Variants in ILRUN observed in about 807,000 individuals in gnomAD.
ILRUN encodes the protein inflammation and lipid regulator with UBA-like and NBR1-like domains.
In ILRUN, 3 loss-of-function variants were observed where a neutral mutation model predicts 33.8. The ratio of observed to expected loss-of-function variants is 0.09; its 90% CI spans 0.04 to 0.23. The LOEUF (loss-of-function observed/expected upper bound fraction) is 0.23. ILRUN is among the 10% of genes least tolerant of loss of function. The probability of loss-of-function intolerance (pLI) is 1.00; values close to 1 mark genes in which losing one functional copy is unlikely to be tolerated. For synonymous variants in ILRUN, 124 were observed against 138.9 expected (o/e 0.89, Z 0.75); for missense variants, 210 against 375.1 (o/e 0.56, Z 3.64).
At chr6:34,608,249 C>G (rs891992885) in intron 3 of ILRUN, among the ~76,000 whole-genome samples, 1 of 151,980 alleles carries the variant, frequency 6.6e-6, no homozygotes, top group Non-Finnish European at 1.5e-5. Flanking sequence ...AAAAAACTAG[C>G]TGGGCATAGT....
rs115954570 is a variant in ILRUN at position 34,654,579 on chromosome 6, A to G, written c.313+46T>C. On this transcript the variant is annotated intron_variant, in intron 2 of 4. Transcript: ENST00000374023. ...ACATTTCCTTCTTATTTAACTATTA[A>G]GAAAATGAAAACTAGGCAAGGGAGG... is the stretch of plus-strand genomic sequence containing the variant. 6.6e-4 allele frequency: 1,021 copies of G among 1,553,324 alleles called. 1 individual carries two copies. The African/African-American group carries it at 8.7e-3, about 13-fold the overall frequency.
rs201638665 is a variant in ILRUN at position 34,592,861 on chromosome 6, GA to G, written c.862-2262del. 2.0e-5 allele frequency among the ~76,000 whole-genome samples: 3 copies of G among 150,636 alleles called. No individual in the cohort carries two copies. Among genetic ancestry groups the G allele is most frequent in the Admixed American group, 6.6e-5 (1 of 15,110 alleles). ...ACAATGCTCAAAGGTCTCTGTGCAGGAAAAAAAAATGCACAGCAAAAAGAAA... is the reference window on the plus strand; with the variant it reads ...ACAATGCTCAAAGGTCTCTGTGCAGGAAAAAAAATGCACAGCAAAAAGAAA... On this transcript the variant is annotated intron_variant, in intron 4 of 4. Coordinates refer to ENST00000374023, the MANE Select transcript of ILRUN (RefSeq NM_024294.4). This position sits in a 1 kb window ranked among gnomAD's most constrained non-coding sequence, Gnocchi z 4.0.
chr6:34,614,437 A>ATATATATATATATATATATATAT (rs1321613482), intron 3 of ILRUN, among the ~76,000 whole-genome samples: 9 of 124,606 alleles, frequency 7.2e-5, no homozygotes, highest in African/African-American at 3.3e-4. Flanking sequence ...ATAATAAAAA[A>ATATATATATATATATATATATAT]AAAAAAATAT....
chr6:34,596,009 C>G (rs1345436646), intron 4 of ILRUN: 2 of 862,124 alleles, frequency 2.3e-6, no homozygotes, highest in African/African-American at 3.7e-5. Context: ...ATTTATACTG[C>G]AAACATTGTG....
intron 2 of ILRUN, 22 bp downstream of exon 2, chr6:34,654,603 G>T (rs755947941): frequency 2.5e-6 from 4 of 1,585,114 alleles, no homozygotes; most frequent in Non-Finnish European, 3.4e-6. Context: ...AGGCAAGGGA[G>T]GATTGCCCAT....
chr6:34,626,103 G>C (rs1161099526), intron 3 of ILRUN, among the ~76,000 whole-genome samples: 2 of 152,158 alleles, frequency 1.3e-5, no homozygotes, highest in South Asian at 2.1e-4. Context: ...GCCTGGGTCG[G>C]CCTCCCGAAA....
chr6:34,600,027 C>T (rs549011993), intron 4 of ILRUN, among the ~76,000 whole-genome samples: 12 of 152,224 alleles, frequency 7.9e-5, no homozygotes, highest in Non-Finnish European at 7.3e-5. Context: ...TGATCTGAAC[C>T]ACTCTTACTC....
chr6:34,616,374 C>T (rs1761892691), intron 3 of ILRUN, among the ~76,000 whole-genome samples: 1 of 152,184 alleles, frequency 6.6e-6, no homozygotes, highest in South Asian at 2.1e-4. Context: ...GGTCTGGCTG[C>T]AGTCAGCTGC....
At chr6:34,673,030 T>C (rs1387963235) in intron 1 of ILRUN, among the ~76,000 whole-genome samples, 1 of 152,138 alleles carries the variant, frequency 6.6e-6, no homozygotes, top group East Asian at 1.9e-4. Context: ...TATTTCAACA[T>C]TACCGCTGAA....
chr6:34,609,541 T>C (rs941411864), intron 3 of ILRUN, among the ~76,000 whole-genome samples: 1 of 151,812 alleles, frequency 6.6e-6, no homozygotes, highest in Non-Finnish European at 1.5e-5. Context: ...CATAAAAACT[T>C]AGAGGTTTGG....
chr6:34,690,934 G>T (rs1031059323), intron 1 of ILRUN, among the ~76,000 whole-genome samples: 12 of 152,196 alleles, frequency 7.9e-5, no homozygotes, highest in African/African-American at 2.9e-4. Context: ...AACTAGGCTG[G>T]AGTGCAGTGG....
At chr6:34,641,170 A>T (rs1044096511) in intron 3 of ILRUN, among the ~76,000 whole-genome samples, 1 of 152,168 alleles carries the variant, frequency 6.6e-6, no homozygotes, top group Non-Finnish European at 1.5e-5. Context: ...TAAAACAGAA[A>T]GATGAGGTCC....
chr6:34,622,945 C>CTA (rs1490227460), intron 3 of ILRUN, among the ~76,000 whole-genome samples: 1 of 152,114 alleles, frequency 6.6e-6, no homozygotes, highest in African/African-American at 2.4e-5. Flanking sequence ...CTGATACATG[C>CTA]TATAATATGG....
At chr6:34,640,164 G>A (rs905821389) in intron 3 of ILRUN, among the ~76,000 whole-genome samples, 1 of 152,138 alleles carries the variant, frequency 6.6e-6, no homozygotes, top group African/African-American at 2.4e-5. Flanking sequence ...GACAGTGTTT[G>A]TTATCAAGAT....
intron 3 of ILRUN, among the ~76,000 whole-genome samples, chr6:34,612,972 G>A (rs1274880346): frequency 1.3e-5 from 2 of 152,106 alleles, no homozygotes; most frequent in Non-Finnish European, 2.9e-5. Context: ...GAACCCGGGA[G>A]GCGGAGCTTG....
At chr6:34,682,041 C>CTTTTTTTT (rs552894159) in intron 1 of ILRUN, among the ~76,000 whole-genome samples, 27 of 90,550 alleles carry the variant, frequency 3.0e-4, no homozygotes, top group African/African-American at 7.6e-4. Flanking sequence ...TATTTTTTTA[C>CTTTTTTTT]TTTTTTTTTT....
chr6:34,609,883 G>A (rs926660425), intron 3 of ILRUN, among the ~76,000 whole-genome samples: 22 of 152,196 alleles, frequency 1.4e-4, no homozygotes, highest in Non-Finnish European at 2.2e-4. Context: ...ATATGGCCGG[G>A]TGTGGTGGCT....
At chr6:34,673,216 T>C (rs1385177528) in intron 1 of ILRUN, among the ~76,000 whole-genome samples, 1 of 152,054 alleles carries the variant, frequency 6.6e-6, no homozygotes, top group Non-Finnish European at 1.5e-5. Context: ...TAAAAAAAAT[T>C]GGGTCCAGGA....
At chr6:34,595,616 TG>T (rs1761385091) in intron 4 of ILRUN, 1 of 312,968 alleles carries the variant, frequency 3.2e-6, no homozygotes. Context: ...AAATTCCTAA[TG>T]AAAAAAGGAT....
Sources: gnomAD v4.1 joint callset for allele counts (sites outside exome capture counted in the v4.1 genomes callset) on GRCh38, gnomAD v4.1.1 for gene constraint, Gnocchi (gnomAD v3.1) non-coding constraint, MANE v1.5 for transcripts, NCBI Gene and HGNC (gene_info 2026-07-23, HGNC 2026-07-21) for gene names.